Variants in GSTM2 observed in about 807,000 individuals in gnomAD.
The protein encoded by GSTM2 is glutathione S-transferase mu 2.
In GSTM2, 33 loss-of-function variants were observed where a neutral mutation model predicts 33.3. The ratio of observed to expected loss-of-function variants is 0.99; its 90% CI spans 0.75 to 1.33. The LOEUF (loss-of-function observed/expected upper bound fraction) is 1.33. Among genes scored for constraint, GSTM2 ranks in the 40% most tolerant of loss-of-function variants. The probability of loss-of-function intolerance (pLI) is 0.00; values close to 1 mark genes in which losing one functional copy is unlikely to be tolerated. For missense variants in GSTM2, 213 were observed against 265.8 expected (o/e 0.80, Z 1.38); for synonymous variants, 93 against 95.6 (o/e 0.97, Z 0.16).
downstream of GSTM2, among the ~76,000 whole-genome samples, chr1:109,679,329 G>A (rs1181545529): frequency 1.3e-5 from 2 of 152,018 alleles, no homozygotes; most frequent in African/African-American, 4.8e-5. Flanking sequence ...AAATTAGCCG[G>A]GCATGGTGGT....
At chr1:109,675,567 G>A (rs1331656165), downstream of GSTM2, among the ~76,000 whole-genome samples, 2 of 151,942 alleles carry the variant, frequency 1.3e-5, no homozygotes, top group Admixed American at 1.3e-4. Flanking sequence ...ATTGCACAGA[G>A]CTTGTGTCTC....
intron 1 of GSTM2, 132 bp from the exon 2 acceptor site, chr1:109,668,293 T>C (rs1647407910): frequency 7.5e-7 from 1 of 1,331,104 alleles, no homozygotes; most frequent in African/African-American, 1.5e-5. Flanking sequence ...TGTCTGTGCG[T>C]GTGGCTGGGC....
downstream of GSTM2, among the ~76,000 whole-genome samples, chr1:109,676,668 A>G (rs1557960526): frequency 6.6e-6 from 1 of 152,022 alleles, no homozygotes; most frequent in African/African-American, 2.4e-5. Flanking sequence ...TTGCTTTTTT[A>G]CGCTTTTTCT....
chr1:109,676,160 C>T (rs533391074), downstream of GSTM2, among the ~76,000 whole-genome samples: 5 of 152,318 alleles, frequency 3.3e-5, no homozygotes, highest in African/African-American at 7.2e-5. Context: ...CCACCCTTGA[C>T]ACCTGGGGAT....
In GSTM2 at chr1:109,668,057, A is replaced by T; in HGVS notation, c.-59A>T. On this transcript the variant is annotated 5_prime_UTR_variant, in exon 1 of 8. Coordinates refer to ENST00000241337, the MANE Select transcript of GSTM2 (RefSeq NM_000848.4). The stretch of plus-strand genomic sequence containing the variant: ...CCCCTCTACCCTCTCTGGGCCTCTC[A>T]CAAACGCTGAGCCCCGCCCCGCTGA... 1.9e-6 allele frequency: 3 copies of T among 1,588,474 alleles called. No individual in the cohort carries two copies. Among genetic ancestry groups the T allele is most frequent in the Middle Eastern group, 1.7e-4 (1 of 6,036 alleles).
chr1:109,677,522 A>G (rs1196582984), downstream of GSTM2, among the ~76,000 whole-genome samples: 1 of 152,246 alleles, frequency 6.6e-6, no homozygotes, highest in Non-Finnish European at 1.5e-5. Flanking sequence ...TGGGCCTCAC[A>G]GACGTATTGA....
At chr1:109,673,380 G>C in intron 7 of GSTM2, 1 of 1,150,838 alleles carries the variant, frequency 8.7e-7, no homozygotes, top group Non-Finnish European at 1.2e-6. Flanking sequence ...TGCTGAACTT[G>C]TTTGAGAGCA....
chr1:109,679,824 G>A (rs555758025), downstream of GSTM2, among the ~76,000 whole-genome samples: 4 of 152,308 alleles, frequency 2.6e-5, no homozygotes, highest in South Asian at 8.3e-4. Context: ...GTGTTTGTGA[G>A]GGTGTTTCCA....
intron 1 of GSTM2, 86 bp from the exon 2 acceptor site, chr1:109,668,339 G>A (rs1647409372): frequency 5.4e-6 from 8 of 1,482,754 alleles, no homozygotes; most frequent in Middle Eastern, 1.8e-4. Flanking sequence ...GGAACGAGAG[G>A]AGGAGATGGG....
intron 5 of GSTM2, 180 bp from the exon 6 acceptor site, chr1:109,671,106 AC>A: frequency 1.7e-6 from 1 of 604,702 alleles, no homozygotes; most frequent in Non-Finnish European, 3.0e-6. Flanking sequence ...GACTCCAGCT[AC>A]CCAGTTGGAG....
In GSTM2 at chr1:109,668,133, G is replaced by T; in HGVS notation, c.18G>T (p.Gly6=). The T allele has an allele frequency of 6.2e-7, 1 of 1,613,452 alleles. No individual in the cohort carries two copies. The highest frequency in any genetic ancestry group is 8.5e-7 in the Non-Finnish European group (1 of 1,179,610). Residue 6 remains glycine, a synonymous_variant, in exon 1 of 8, where the codon GGG becomes GGT. Transcript: ENST00000241337. ...CCAGCACCATGCCCATGACACTGGGGTACTGGAACATCCGCGGGGTGAGCC... is the reference window on the plus strand; with the variant it reads ...CCAGCACCATGCCCATGACACTGGGTTACTGGAACATCCGCGGGGTGAGCC... MPMTL[G]YWNIRGLAHS... is the part of the protein sequence containing the mutation.
rs771778550 is a variant in GSTM2, at chr1:109,674,749, C to T, written c.570C>T (p.Gly190=). 1.2e-6 allele frequency: 2 copies of T among 1,614,198 alleles called. No individual in the cohort carries two copies. Among genetic ancestry groups the T allele is most frequent in the South Asian group, 1.1e-5 (1 of 91,084 alleles). The stretch of plus-strand genomic sequence containing the variant: ...GGCCTTATTTTCCCCCCTCTCAGGG[C>T]TTGGAGAAGATCTCTGCCTACATGA... ...NLKDFISRFE[G]LEKISAYMKS... The change falls in exon 8 of 8, where the codon GGC becomes GGT. Residue 190 remains glycine (G), a splice_region_variant and synonymous_variant. Transcript: ENST00000241337.
At chr1:109,671,616 T>C in intron 7 of GSTM2, 33 bp downstream of exon 7, 1 of 1,092,568 alleles carries the variant, frequency 9.2e-7, no homozygotes, top group Non-Finnish European at 1.4e-6. Context: ...TCTTTATGTC[T>C]CTTATTCCTT....
chr1:109,671,153 A>C, intron 5 of GSTM2, 134 bp from the exon 6 acceptor site: 1 of 698,116 alleles, frequency 1.4e-6, no homozygotes, highest in Non-Finnish European at 2.7e-6. Flanking sequence ...TGAAGCCTGG[A>C]CAGTGACCCA....
chr1:109,678,509 G>A (rs1647762926), downstream of GSTM2, among the ~76,000 whole-genome samples: 1 of 152,298 alleles, frequency 6.6e-6, no homozygotes, highest in African/African-American at 2.4e-5. Flanking sequence ...CACTTTGGGA[G>A]GCCGAGGGGG....
At chr1:109,673,883 GC>G (rs1215781046) in intron 7 of GSTM2, among the ~76,000 whole-genome samples, 1 of 152,244 alleles carries the variant, frequency 6.6e-6, no homozygotes, top group Admixed American at 6.5e-5. Flanking sequence ...ACAGGTGTGA[GC>G]CGGATGTTTT....
At chr1:109,669,397 G>T in intron 4 of GSTM2, 26 bp downstream of exon 4, 1 of 1,614,086 alleles carries the variant, frequency 6.2e-7, no homozygotes, top group Non-Finnish European at 8.5e-7. Flanking sequence ...TGCAAGATGC[G>T]GGGAGGGACC....
chr1:109,669,606 C>T, intron 5 of GSTM2, 35 bp downstream of exon 5: 1 of 1,288,892 alleles, frequency 7.8e-7, no homozygotes, highest in South Asian at 1.2e-5. Flanking sequence ...GTCTCCCCTT[C>T]CCTACTCCCA....
intron 5 of GSTM2, 176 bp downstream of exon 5, chr1:109,669,747 G>C: frequency 1.7e-6 from 1 of 592,674 alleles, no homozygotes; most frequent in Middle Eastern, 4.4e-4. Flanking sequence ...TGGTGTGTCC[G>C]GAGTTTGTTC....
Sources: gnomAD v4.1 joint callset for allele counts (sites outside exome capture counted in the v4.1 genomes callset) on GRCh38, gnomAD v4.1.1 for gene constraint, MANE v1.5 for transcripts, NCBI Gene and HGNC (gene_info 2026-07-23, HGNC 2026-07-21) for gene names.